The following CD36 variants were observed in gnomAD, a reference collection of about 807,000 sequenced individuals.
CD36 encodes platelet glycoprotein 4.
In CD36, 119 loss-of-function variants were observed where a neutral mutation model predicts 55.2. That is an observed-to-expected ratio of 2.15 (90% CI 1.86 to 2.51). The LOEUF (loss-of-function observed/expected upper bound fraction) is 2.51, where lower values mean the gene tolerates loss of function less well. CD36 is among the 30% of genes most tolerant of loss of function. CD36 has a pLI of 0.00. For synonymous variants in CD36, 186 were observed against 193.6 expected, an observed-to-expected ratio of 0.96 and a Z score of 0.33; for missense variants, 819 against 555.5, an observed-to-expected ratio of 1.47 and a Z score of -4.77.
rs1796830323 is a variant in CD36 at position 80,664,418 on chromosome 7, G to A, written c.622G>A (p.Ala208Thr). 1 of 1,550,882 alleles carries A rather than the reference G, an allele frequency of 6.4e-7. No homozygotes were observed. The highest frequency in any genetic ancestry group is 8.9e-7 in the Non-Finnish European group (1 of 1,122,650). Residue 208 changes from alanine (A) to threonine (T), a missense_variant, in exon 7 of 15, where the codon GCA becomes ACA. By Grantham distance (58) the Ala-to-Thr change is moderately conservative (BLOSUM62 0). Coordinates refer to ENST00000447544, the MANE Select transcript of CD36 (RefSeq NM_001001548.3). ...ACATATATTTCAGTACAACAATACT[G>A]CAGATGGAGTTTATAAAGTTTTCAA... is the stretch of plus-strand genomic sequence containing the variant. ...VGLFYPYNNT[A>T]DGVYKVFNGK...
At chr7:80,674,378 A>G (rs1798061470) in intron 14 of CD36, 1 of 470,668 alleles carries the variant, frequency 2.1e-6, no homozygotes, top group Non-Finnish European at 3.8e-6. Flanking sequence ...TGACCATTGT[A>G]ACAATAGCAC....
At chr7:80,630,900 G>A (rs111590344) in intron 1 of CD36, among the ~76,000 whole-genome samples, 1,845 of 152,102 alleles carry the variant, frequency 0.012, 36 homozygotes, top group African/African-American at 0.042. Flanking sequence ...CAGGAGAATT[G>A]CAGAGTATGC....
At chr7:80,606,094 A>G (rs1792534051) in intron 1 of CD36, among the ~76,000 whole-genome samples, 1 of 152,216 alleles carries the variant, frequency 6.6e-6, no homozygotes, top group Admixed American at 6.5e-5. Context: ...TATTTAAAAT[A>G]TTGTCTAAAT....
At chr7:80,674,219 A>T in intron 14 of CD36, 72 bp downstream of exon 14, 1 of 1,102,092 alleles carries the variant, frequency 9.1e-7, no homozygotes, top group Non-Finnish European at 1.4e-6. Context: ...TTTATCAAAG[A>T]GAAGTTACAT....
intron 1 of CD36, among the ~76,000 whole-genome samples, chr7:80,633,602 AT>A (rs1359706855): frequency 1.3e-5 from 2 of 149,550 alleles, no homozygotes; most frequent in Admixed American, 7.1e-5. Flanking sequence ...TTACATAGAT[AT>A]TTTTTATTAC....
intron 3 of CD36, among the ~76,000 whole-genome samples, chr7:80,654,246 C>T (rs768486473): frequency 4.6e-5 from 7 of 152,176 alleles, no homozygotes; most frequent in Non-Finnish European, 1.0e-4. Context: ...CTGTCACAGA[C>T]TCTCTTCAAT....
intron 1 of CD36, among the ~76,000 whole-genome samples, chr7:80,631,391 G>C (rs1019651530): frequency 1.3e-5 from 2 of 151,990 alleles, no homozygotes; most frequent in Non-Finnish European, 2.9e-5. Flanking sequence ...ATTTTATCAA[G>C]TCCATTGTAA....
intron 1 of CD36, among the ~76,000 whole-genome samples, chr7:80,644,402 CCTT>C (rs1795012532): frequency 1.3e-5 from 2 of 152,036 alleles, no homozygotes; most frequent in African/African-American, 4.8e-5. Flanking sequence ...ATCACCAAGA[CCTT>C]GATGTAAATG....
intron 1 of CD36, among the ~76,000 whole-genome samples, chr7:80,642,644 C>T (rs955745204): frequency 3.9e-5 from 6 of 151,994 alleles, no homozygotes; most frequent in East Asian, 1.9e-4. Flanking sequence ...GTCAAGGCAC[C>T]GAGTGATAAT....
intron 3 of CD36, among the ~76,000 whole-genome samples, chr7:80,649,045 C>T (rs1458722636): frequency 6.6e-6 from 1 of 152,012 alleles, no homozygotes; most frequent in African/African-American, 2.4e-5. Flanking sequence ...CAATAGTCGT[C>T]GGTATGTTTT....
In CD36 at chr7:80,623,478, G is replaced by A. The variant is rs1245125776; in HGVS notation, c.-184+21099G>A. Among the ~76,000 whole-genome samples the A allele has an allele frequency of 2.1e-5, 3 of 144,758 alleles. No individual in the cohort carries two copies. The South Asian group carries it at 6.9e-4, about 33-fold the overall frequency. The allele number at this position is 144,758 out of a possible 152,430, so 95.0% of individuals were successfully genotyped here. A position where few individuals can be genotyped will look rare whatever the true frequency, so the allele number is the denominator to read the frequency against. ...TGTTCTGGGAAAAAGCCATATTTTT[G>A]GTCTCATTTAGCATATACTGTAATT... On this transcript the variant is annotated intron_variant, in intron 1 of 13. Transcript: ENST00000309881.
rs777437579 is a variant in CD36, at chr7:80,661,065, T to C, written c.284T>C (p.Val95Ala). 10 of 1,612,294 alleles carry C rather than the reference T, an allele frequency of 6.2e-6. No individual in the cohort carries two copies. In the East Asian group the frequency reaches 2.0e-4, roughly 32 times the overall value. Residue 95 changes from valine to alanine, a missense_variant and splice_region_variant, in exon 5 of 15, where the codon GTT (valine) becomes GCT (alanine). Transcript: ENST00000447544. ...VKQRGPYTYRVRFLAKENVTQ... is the reference protein window; with the variant it reads ...VKQRGPYTYRARFLAKENVTQ... ...TTTGTTTACTGCTATTTCTTTAGAG[T>C]TCGTTTTCTAGCCAAGGAAAATGTA...
chr7:80,661,476 G>A (rs1286902260), intron 5 of CD36, among the ~76,000 whole-genome samples: 1 of 152,048 alleles, frequency 6.6e-6, no homozygotes, highest in African/African-American at 2.4e-5. Context: ...CAGATTACAG[G>A]AAGATGCTTA....
intron 1 of CD36, among the ~76,000 whole-genome samples, chr7:80,602,952 A>G (rs1205988096): frequency 6.6e-6 from 1 of 152,160 alleles, no homozygotes; most frequent in Non-Finnish European, 1.5e-5. Context: ...TAAAAGACCA[A>G]TCTTAACAAT....
chr7:80,619,936 G>A (rs1297928944), intron 1 of CD36, among the ~76,000 whole-genome samples: 2 of 152,184 alleles, frequency 1.3e-5, no homozygotes, highest in Non-Finnish European at 2.9e-5. Context: ...GAAGCCTGAA[G>A]ATGTGACTGC....
intron 1 of CD36, among the ~76,000 whole-genome samples, chr7:80,632,950 C>T (rs757003537): frequency 1.3e-5 from 2 of 151,748 alleles, no homozygotes; most frequent in African/African-American, 2.4e-5. Flanking sequence ...TTTTTCTCAA[C>T]GTTTAAAAAA....
At chr7:80,648,850 A>T (rs536304162) in intron 3 of CD36, among the ~76,000 whole-genome samples, 3 of 152,214 alleles carry the variant, frequency 2.0e-5, no homozygotes, top group Non-Finnish European at 4.4e-5. Flanking sequence ...TAAAGGACTG[A>T]TTGATAGTAT....
chr7:80,636,749 A>G (rs996026431), upstream of CD36: 1 of 152,128 alleles, frequency 6.6e-6, no homozygotes, highest in Non-Finnish European at 1.5e-5. Context: ...AAATGGGTAC[A>G]GCATTTTGCT....
At chr7:80,674,236 C>A in intron 14 of CD36, 89 bp downstream of exon 14, 1 of 905,194 alleles carries the variant, frequency 1.1e-6, no homozygotes, top group African/African-American at 1.7e-5. Flanking sequence ...ACATATTAGG[C>A]CATATATATT....
Sources: gnomAD v4.1 joint callset for allele counts (sites outside exome capture counted in the v4.1 genomes callset) on GRCh38, gnomAD v4.1.1 for gene constraint, MANE v1.5 for transcripts, NCBI Gene and HGNC (gene_info 2026-07-23, HGNC 2026-07-21) for gene names.